TRPM3: variants seen among roughly 807,000 people sequenced by gnomAD.
TRPM3 encodes the protein long transient receptor potential channel 3.
In TRPM3, 77 loss-of-function variants were observed where a neutral mutation model predicts 181.2. The observed-to-expected ratio is 0.42, with a 90% CI of 0.35 to 0.51. The LOEUF (loss-of-function observed/expected upper bound fraction) is 0.51, where lower values mean the gene tolerates loss of function less well. Among genes scored for constraint, TRPM3 ranks in the 20% least tolerant of loss-of-function variants. The pLI is 0.01. For synonymous variants in TRPM3, 745 were observed against 796.4 expected (o/e 0.94, Z 1.09); for missense variants, 1,759 against 2,196.7 (o/e 0.80, Z 3.98).
At chr9:70,780,791 A>G (rs1286557548) in intron 7 of TRPM3, among the ~76,000 whole-genome samples, 1 of 152,108 alleles carries the variant, frequency 6.6e-6, no homozygotes, top group Non-Finnish European at 1.5e-5. Context: ...TTCTCTTTAG[A>G]CTTCTATTTT....
At chr9:70,801,315 C>T (rs997681874) in intron 6 of TRPM3, among the ~76,000 whole-genome samples, 86 of 152,254 alleles carry the variant, frequency 5.6e-4, no homozygotes, top group African/African-American at 1.9e-3. Context: ...CAAGGCTCAC[C>T]GTTGCCCCTC....
intron 1 of TRPM3, among the ~76,000 whole-genome samples, chr9:71,415,857 A>G (rs1337742547): frequency 6.6e-6 from 1 of 152,002 alleles, no homozygotes; most frequent in Non-Finnish European, 1.5e-5. Flanking sequence ...AGAATAAAAT[A>G]GTACTAGAAA....
chr9:71,372,283 T>C (rs2092540379), intron 1 of TRPM3, among the ~76,000 whole-genome samples: 1 of 152,218 alleles, frequency 6.6e-6, no homozygotes, highest in African/African-American at 2.4e-5. Context: ...TAAATAGTGC[T>C]TCAATGAACA....
At chr9:71,086,519 G>A (rs2480504) in intron 1 of TRPM3, among the ~76,000 whole-genome samples, 151,587 of 152,046 alleles carry the variant, frequency 1, 75,565 homozygotes, top group Middle Eastern at 1. Flanking sequence ...CTCCATTCAT[G>A]CTGAAAATCT....
chr9:70,789,816 C>T (rs1190707184), intron 6 of TRPM3, among the ~76,000 whole-genome samples: 1 of 152,212 alleles, frequency 6.6e-6, no homozygotes, highest in Non-Finnish European at 1.5e-5. Context: ...AACCCTAAGT[C>T]CTTGCATAAG....
chr9:70,951,526 G>C (rs1383167824), intron 1 of TRPM3, among the ~76,000 whole-genome samples: 1 of 152,080 alleles, frequency 6.6e-6, no homozygotes, highest in Non-Finnish European at 1.5e-5. Context: ...ATTTTTAGTA[G>C]AGACGCGGTT....
At chr9:71,353,998 T>C (rs1394978477) in intron 1 of TRPM3, among the ~76,000 whole-genome samples, 2 of 152,190 alleles carry the variant, frequency 1.3e-5, no homozygotes, top group Admixed American at 1.3e-4. Context: ...TTCCATCTCA[T>C]GGCCTCTCAT....
Position 70,991,689 on chromosome 9 carries a change from C to T in TRPM3, c.178-127178G>A, listed in dbSNP as rs139856540. Among the ~76,000 whole-genome samples the T allele has an allele frequency of 3.7e-3, 557 of 151,650 alleles. 2 individuals carry two copies. The highest frequency in any genetic ancestry group is 0.013 in the African/African-American group (533 of 41,362). On this transcript the variant is annotated intron_variant, in intron 1 of 25. Transcript: ENST00000677713. ...AAAACAAAGTCCACCTTAAGCTACT[C>T]CCTTAACTTAAATTTCTTCAGTTGC...
intron 9 of TRPM3, among the ~76,000 whole-genome samples, chr9:70,646,720 TA>T (rs1049804700): frequency 6.7e-6 from 1 of 148,978 alleles, no homozygotes; most frequent in African/African-American, 2.5e-5. Flanking sequence ...AGTATAATAA[TA>T]AAAAAAAAGC....
At chr9:71,010,350 C>A (rs1459585877) in intron 1 of TRPM3, among the ~76,000 whole-genome samples, 1 of 151,908 alleles carries the variant, frequency 6.6e-6, no homozygotes, top group Non-Finnish European at 1.5e-5. Flanking sequence ...GGGTTAATAT[C>A]CAGAATATAT....
chr9:70,785,091 T>TATCTGAC (rs549529880), intron 6 of TRPM3, among the ~76,000 whole-genome samples: 15 of 152,202 alleles, frequency 9.9e-5, no homozygotes, highest in Non-Finnish European at 2.1e-4. Flanking sequence ...GGAGATATGG[T>TATCTGAC]ATCTGCCATC....
At chr9:70,596,440 A>G (rs1428045318) in intron 21 of TRPM3, among the ~76,000 whole-genome samples, 1 of 152,192 alleles carries the variant, frequency 6.6e-6, no homozygotes, top group African/African-American at 2.4e-5. Context: ...TAATAATAAT[A>G]AAGAACATCA....
chr9:70,874,467 C>A (rs13290594), intron 1 of TRPM3, among the ~76,000 whole-genome samples: 25,600 of 151,886 alleles, frequency 0.17, 2,835 homozygotes, highest in East Asian at 0.36. Context: ...GCCCAGTGGA[C>A]CCAAAGCCCT....
At chr9:71,379,013 A>C (rs2092729728) in intron 1 of TRPM3, among the ~76,000 whole-genome samples, 1 of 151,986 alleles carries the variant, frequency 6.6e-6, no homozygotes, top group African/African-American at 2.4e-5. Context: ...ACACATTTTT[A>C]AGTAATAAAA....
intron 5 of TRPM3, among the ~76,000 whole-genome samples, chr9:70,840,568 C>T (rs1217531678): frequency 2.0e-5 from 3 of 151,740 alleles, no homozygotes; most frequent in Non-Finnish European, 4.4e-5. Flanking sequence ...CATTGGAATG[C>T]ATAAGTTTCT....
chr9:71,011,304 T>C (rs2097736475), intron 1 of TRPM3, among the ~76,000 whole-genome samples: 2 of 152,194 alleles, frequency 1.3e-5, no homozygotes, highest in Admixed American at 1.3e-4. Context: ...TTTTTGAGTG[T>C]TATTACTACA....
At chr9:70,919,675 T>C (rs1320200445) in intron 1 of TRPM3, among the ~76,000 whole-genome samples, 3 of 151,824 alleles carry the variant, frequency 2.0e-5, no homozygotes, top group Non-Finnish European at 2.9e-5. Context: ...TCCCAGCTAC[T>C]TGGGAAGCTG....
chr9:70,537,137 T>G lies in TRPM3; in HGVS notation c.3976A>C (p.Ser1326Arg). The G allele has an allele frequency of 6.3e-7, 1 of 1,595,104 alleles. No homozygotes were observed. The highest frequency in any genetic ancestry group is 8.6e-7 in the Non-Finnish European group (1 of 1,165,734). Residue 1326 changes from serine (S) to arginine (R), a missense_variant, in exon 26 of 26, where the codon AGT becomes CGT. Physicochemically the swap from Ser to Arg is moderately radical, Grantham distance 110. Around this residue, in one of 8 missense-constraint regions of TRPM3, gnomAD observed 612 missense variants for 590.0 expected, o/e 1.04. Transcript: ENST00000677713. ...GTCTCCTCACCTGCAGGGTCTATAC[T>G]CTCTTGGAGCTTGAAGGTGTTCCCT... ...QEGNTFKLQESIDPAGEETMS... is the reference protein window; with the variant it reads ...QEGNTFKLQERIDPAGEETMS...
chr9:70,772,093 G>T (rs768469530), intron 7 of TRPM3, among the ~76,000 whole-genome samples: 21 of 152,162 alleles, frequency 1.4e-4, no homozygotes, highest in Non-Finnish European at 2.4e-4. Context: ...TAATATTTGA[G>T]ATCTATCAGA....
Sources: allele counts gnomAD v4.1 joint callset (sites outside exome capture counted in the v4.1 genomes callset), GRCh38; gene constraint gnomAD v4.1.1; regional missense constraint gnomAD v4.1.1; transcripts MANE v1.5; gene names NCBI Gene and HGNC (gene_info 2026-07-23, HGNC 2026-07-21).